Variants in IFNGR1 observed in about 807,000 individuals in gnomAD.
IFNGR1 encodes interferon gamma receptor 1.
A neutral mutation model predicts 35.4 loss-of-function variants in IFNGR1; 23 were observed. That is an observed-to-expected ratio of 0.65 (90% CI 0.47 to 0.92). IFNGR1 has a LOEUF of 0.92. Ranked by LOEUF, IFNGR1 falls within the 40% of genes least tolerant of loss-of-function variation. IFNGR1 has a pLI of 0.00. For synonymous variants in IFNGR1, 199 were observed against 209.5 expected, an observed-to-expected ratio of 0.95 and a Z score of 0.43; for missense variants, 533 against 583.4, an observed-to-expected ratio of 0.91 and a Z score of 0.89.
chr6:137,199,740 T>G (rs1044554512), intron 6 of IFNGR1, among the ~76,000 whole-genome samples: 1 of 148,750 alleles, frequency 6.7e-6, no homozygotes, highest in Non-Finnish European at 1.5e-5. Context: ...TTAAGTAATA[T>G]TCTCATTACT....
chr6:137,201,109 G>C, intron 5 of IFNGR1, 101 bp from the exon 6 acceptor site: 2 of 1,243,026 alleles, frequency 1.6e-6, no homozygotes, highest in Non-Finnish European at 2.3e-6. Context: ...ACAAATTAGT[G>C]AATAGGGCCA....
intron 1 of IFNGR1, among the ~76,000 whole-genome samples, chr6:137,207,503 C>T (rs1779467099): frequency 1.3e-5 from 2 of 152,146 alleles, no homozygotes; most frequent in Admixed American, 6.5e-5. Flanking sequence ...TGAACTGTAT[C>T]TCCCAGAATT....
chr6:137,200,555 C>A (rs1562283900), intron 6 of IFNGR1, among the ~76,000 whole-genome samples: 1 of 152,168 alleles, frequency 6.6e-6, no homozygotes, highest in African/African-American at 2.4e-5. Context: ...CAAAGCTGGA[C>A]AAAGTCCTCA....
intron 1 of IFNGR1, among the ~76,000 whole-genome samples, chr6:137,207,506 C>G (rs994734653): frequency 5.3e-5 from 8 of 152,106 alleles, no homozygotes; most frequent in Non-Finnish European, 2.9e-5. Flanking sequence ...ACTGTATCTC[C>G]CAGAATTCCC....
In IFNGR1 at chr6:137,209,946, T is replaced by G. The variant is rs1228702532; in HGVS notation, c.86-2869A>C. 4 of 398,630 alleles carry G rather than the reference T, an allele frequency of 1.0e-5. No individual in the cohort carries two copies. In the East Asian group the frequency reaches 1.4e-4, roughly 14 times the overall value. 24.7% of individuals were successfully genotyped at this position (398,630 alleles called of 1,614,324 possible). On this transcript the variant is annotated intron_variant, in intron 1 of 6. Transcript: ENST00000367739. ...TTTACAAAACATACCCAACATTTCT[T>G]CTTGCCTTCACTCTTTCAGAAAACA... is the stretch of plus-strand genomic sequence containing the variant.
Position 137,219,376 on chromosome 6 carries a change from G to A in IFNGR1, c.-49C>T. On this transcript the variant is annotated 5_prime_UTR_variant, in exon 1 of 7. Coordinates refer to ENST00000367739, the MANE Select transcript of IFNGR1 (RefSeq NM_000416.3). ...CCAACCCCGAGCGCCTGCGGGACCA[G>A]CCCAGCACTGCCCTCCAGCCCCGGC... 17 of 1,566,688 alleles carry A rather than the reference G, an allele frequency of 1.1e-5. No individual in the cohort carries two copies. Among genetic ancestry groups the A allele is most frequent in the Non-Finnish European group, 1.5e-5 (17 of 1,155,772 alleles).
Position 137,204,432 on chromosome 6 carries a change from G to A in IFNGR1, c.446C>T (p.Ser149Leu), listed in dbSNP as rs387906572. The A allele has an allele frequency of 1.2e-6, 2 of 1,613,720 alleles. No homozygotes were observed. Among genetic ancestry groups the A allele is most frequent in the East Asian group, 4.5e-5 (2 of 44,862 alleles). ...CTGCTCGTCTCCATTTACAAAAACT[G>A]AAGGGTGAAATATGTCAATCATGAT... is the stretch of plus-strand genomic sequence containing the variant. ...KQIMIDIFHP[S>L]VFVNGDEQEV... Residue 149 changes from serine to leucine, a missense_variant, in exon 4 of 7, where the codon TCA becomes TTA. Physicochemically the swap from Ser to Leu is moderately radical, Grantham distance 145 (BLOSUM62 -2). Coordinates refer to ENST00000367739, the MANE Select transcript of IFNGR1 (RefSeq NM_000416.3).
In IFNGR1 at chr6:137,206,259, A is replaced by G. The variant is rs374959677; in HGVS notation, c.250T>C (p.Tyr84His). The G allele has an allele frequency of 3.7e-6, 6 of 1,610,134 alleles. No individual in the cohort carries two copies. Among genetic ancestry groups the G allele is most frequent in the Non-Finnish European group, 5.1e-6 (6 of 1,176,406 alleles). ...CCAACATGATCAGAAATATTACAAT[A>G]ATGATGAGAAATATTGATGCAGGCA... ...IDACINISHH[Y>H]CNISDHVGDP... The change falls in exon 3 of 7, where the codon TAT becomes CAT. Residue 84 changes from tyrosine (Y) to histidine (H), a missense_variant. Physicochemically the swap from Tyr to His is moderately conservative, Grantham distance 83 (BLOSUM62 2). Transcript: ENST00000367739.
rs1779433136 is a variant in IFNGR1, at chr6:137,206,498, C to T, written c.201-190G>A. 3 of 560,424 alleles carry T rather than the reference C, an allele frequency of 5.4e-6. No individual in the cohort carries two copies. In the South Asian group the frequency reaches 7.1e-5, roughly 13 times the overall value. 34.7% of individuals were successfully genotyped at this position (560,424 alleles called of 1,614,324 possible). A position where few individuals can be genotyped will look rare whatever the true frequency, so the allele number is the denominator to read the frequency against. On this transcript the variant is annotated intron_variant, in intron 2 of 6. Transcript: ENST00000367739. ...GTTAGAAGAACTACAAACTCTGTTACAGTAAAGAGGCTCAATTCAAAATGT... is the reference window on the plus strand; with the variant it reads ...GTTAGAAGAACTACAAACTCTGTTATAGTAAAGAGGCTCAATTCAAAATGT...
intron 1 of IFNGR1, among the ~76,000 whole-genome samples, chr6:137,210,879 CT>C (rs1779559907): frequency 6.6e-6 from 1 of 152,148 alleles, no homozygotes; most frequent in African/African-American, 2.4e-5. Context: ...GGTATATTGC[CT>C]TAATTTACAA....
In IFNGR1 at chr6:137,198,000, A is replaced by T. The variant is rs745579926; in HGVS notation, c.*31T>A. On this transcript the variant is annotated 3_prime_UTR_variant, in exon 7 of 7. Transcript: ENST00000367739. ...AAGCAGAAAACTGTCCAGGAAAATCAGACTTCAAAGTTGGTGCAACTTAGC... is the reference window on the plus strand; with the variant it reads ...AAGCAGAAAACTGTCCAGGAAAATCTGACTTCAAAGTTGGTGCAACTTAGC... The T allele has an allele frequency of 5.6e-6, 9 of 1,613,402 alleles. No individual in the cohort carries two copies. The highest frequency in any genetic ancestry group is 7.6e-6 in the Non-Finnish European group (9 of 1,179,782).
chr6:137,208,547 A>G (rs1779502211), intron 1 of IFNGR1, among the ~76,000 whole-genome samples: 1 of 152,222 alleles, frequency 6.6e-6, no homozygotes, highest in Non-Finnish European at 1.5e-5. Context: ...TGTGACTGAA[A>G]GAGGCCAACA....
intron 1 of IFNGR1, among the ~76,000 whole-genome samples, chr6:137,212,473 G>T (rs1051974769): frequency 6.6e-6 from 1 of 152,150 alleles, no homozygotes; most frequent in Non-Finnish European, 1.5e-5. Context: ...GGTCAGGCTG[G>T]TCTCAAACTC....
intron 1 of IFNGR1, among the ~76,000 whole-genome samples, chr6:137,213,427 T>G (rs1486837622): frequency 1.3e-5 from 2 of 152,046 alleles, no homozygotes; most frequent in Admixed American, 6.6e-5. Flanking sequence ...TTCCCAGAAC[T>G]CCCCTACAAC....
In IFNGR1 at chr6:137,202,370, G is replaced by A. The variant is rs76882302; in HGVS notation, c.733+1129C>T. Among the ~76,000 whole-genome samples, 1,212 of 152,232 alleles carry A rather than the reference G, an allele frequency of 8.0e-3. 12 individuals are homozygous for A. Among genetic ancestry groups the A allele is most frequent in the African/African-American group, 0.028 (1,167 of 41,534 alleles). ...TATTTCAAATTTTGAGCATTAAGAAGGGTTTTATTTTTCAAATAGCATAAC... is the reference window on the plus strand; with the variant it reads ...TATTTCAAATTTTGAGCATTAAGAAAGGTTTTATTTTTCAAATAGCATAAC... On this transcript the variant is annotated intron_variant, in intron 5 of 6. Coordinates refer to ENST00000367739, the MANE Select transcript of IFNGR1 (RefSeq NM_000416.3).
intron 1 of IFNGR1, 29 bp downstream of exon 1, chr6:137,219,214 G>A (rs764611594): frequency 6.3e-6 from 10 of 1,590,068 alleles, no homozygotes; most frequent in Non-Finnish European, 8.5e-6. Context: ...GTCCCGACCC[G>A]GCCGCAGCCC....
At chr6:137,215,386 G>A in intron 1 of IFNGR1, 2 of 1,470,078 alleles carry the variant, frequency 1.4e-6, no homozygotes, top group Non-Finnish European at 1.8e-6. Flanking sequence ...CACTGCAAAA[G>A]TTGAACAATG....
intron 1 of IFNGR1, among the ~76,000 whole-genome samples, chr6:137,207,695 C>T (rs966377030): frequency 5.9e-5 from 9 of 152,186 alleles, no homozygotes; most frequent in African/African-American, 1.4e-4. Context: ...CTTTCTCCCC[C>T]GCCATGATTC....
At position 137,199,526 on chromosome 6, in the gene IFNGR1, A is replaced by AT. The variant is rs1432000430; in HGVS notation, c.862-888dup. 2.4e-3 allele frequency among the ~76,000 whole-genome samples: 219 copies of AT among 92,914 alleles called. 11 individuals are homozygous for AT. The highest frequency in any genetic ancestry group is 8.3e-3 in the African/African-American group (189 of 22,756). 61.0% of individuals were successfully genotyped at this position (92,914 alleles called of 152,430 possible). ...ATATATAATTTATAATATATTATAT[A>AT]TAATATATAATATATATTATATAAC... On this transcript the variant is annotated intron_variant, in intron 6 of 6. Transcript: ENST00000367739.
Sources: allele counts gnomAD v4.1 joint callset (sites outside exome capture counted in the v4.1 genomes callset), GRCh38; gene constraint gnomAD v4.1.1; transcripts MANE v1.5; gene names NCBI Gene and HGNC (gene_info 2026-07-23, HGNC 2026-07-21).